KMT2C: variants seen among roughly 807,000 people sequenced by gnomAD.
KMT2C encodes the protein histone-lysine N-methyltransferase 2C.
Under a neutral mutation model 507.9 loss-of-function variants are expected in KMT2C, and 88 were observed. The ratio of observed to expected loss-of-function variants is 0.17; its 90% CI spans 0.15 to 0.21. The LOEUF (loss-of-function observed/expected upper bound fraction) is 0.21. Ranked by LOEUF, KMT2C falls within the 10% of genes least tolerant of loss-of-function variation. KMT2C has a pLI of 1.00. For synonymous variants in KMT2C, 2,049 were observed against 2,080.8 expected, an observed-to-expected ratio of 0.98 and a Z score of 0.42; for missense variants, 4,954 against 5,957.8, an observed-to-expected ratio of 0.83 and a Z score of 5.55.
Position 152,182,309 on chromosome 7 carries a change from G to C in KMT2C, c.5551C>G (p.Gln1851Glu). 6.2e-7 allele frequency: 1 copy of C among 1,614,172 alleles called. No individual in the cohort carries two copies. Among genetic ancestry groups the C allele is most frequent in the Non-Finnish European group, 8.5e-7 (1 of 1,180,026 alleles). ...GGGGCTGGAGGAGGAGGTGGAGCTTGTGGCTTTACAAACACATCATCTGAA... is the reference window on the plus strand; with the variant it reads ...GGGGCTGGAGGAGGAGGTGGAGCTTCTGGCTTTACAAACACATCATCTGAA... ...TSSDDVFVKPQAPPPPPAPSR... is the reference protein window; with the variant it reads ...TSSDDVFVKPEAPPPPPAPSR... The change falls in exon 36 of 59, where the codon CAA becomes GAA. Residue 1851 changes from glutamine (Q) to glutamate (E), a missense_variant. By Grantham distance (29) the Gln-to-Glu change is conservative. Coordinates refer to ENST00000262189, the MANE Select transcript of KMT2C (RefSeq NM_170606.3).
At chr7:152,393,981 A>ATATACTTCATCTTT (rs2097521550) in intron 1 of KMT2C, among the ~76,000 whole-genome samples, 1 of 152,228 alleles carries the variant, frequency 6.6e-6, no homozygotes, top group African/African-American at 2.4e-5. Context: ...GCATGAACAA[A>ATATACTTCATCTTT]TATACTTCAT....
At chr7:152,283,733 AAAAGAAGTGAT>A (rs2096255553) in intron 6 of KMT2C, among the ~76,000 whole-genome samples, 1 of 152,146 alleles carries the variant, frequency 6.6e-6, no homozygotes, top group Non-Finnish European at 1.5e-5. Flanking sequence ...CTTTTCTTAA[AAAAGAAGTGAT>A]AAAGCAGATT....
intron 55 of KMT2C, among the ~76,000 whole-genome samples, chr7:152,140,014 C>T (rs1368150338): frequency 6.6e-6 from 1 of 152,146 alleles, no homozygotes; most frequent in East Asian, 1.9e-4. Context: ...TTTTTTAGCA[C>T]TAAATTCTTA....
chr7:152,249,195 G>C (rs2095523029), intron 13 of KMT2C, among the ~76,000 whole-genome samples: 2 of 151,864 alleles, frequency 1.3e-5, no homozygotes, highest in Non-Finnish European at 2.9e-5. Context: ...CATAGTCACT[G>C]GTAAATTTTA....
At chr7:152,280,488 T>A (rs1192117708) in intron 6 of KMT2C, among the ~76,000 whole-genome samples, 1 of 147,462 alleles carries the variant, frequency 6.8e-6, no homozygotes, top group African/African-American at 2.4e-5. Flanking sequence ...GAGGCAGAGG[T>A]TGCAGTGAGC....
intron 47 of KMT2C, 35 bp from the exon 48 acceptor site, chr7:152,154,181 G>A (rs746692879): frequency 1.9e-6 from 3 of 1,611,254 alleles, no homozygotes; most frequent in Non-Finnish European, 2.5e-6. Flanking sequence ...GGAAAATAGT[G>A]TTAATGGATT....
intron 3 of KMT2C, among the ~76,000 whole-genome samples, chr7:152,322,200 T>C (rs1334740794): frequency 6.6e-6 from 1 of 151,620 alleles, no homozygotes; most frequent in Non-Finnish European, 1.5e-5. Context: ...CCGTCTCTAC[T>C]AAAAATACGA....
Position 152,156,288 on chromosome 7 carries a change from G to C in KMT2C, c.11729C>G (p.Pro3910Arg). ...ATTGGCCATCTTCTGACAAGCCATAGGAGGTGGTGTAGGAGGAAGAGAGGC... is the reference window on the plus strand; with the variant it reads ...ATTGGCCATCTTCTGACAAGCCATACGAGGTGGTGTAGGAGGAAGAGAGGC... Reference protein sequence around the residue: ...PPASLPPTPPPMACQKMANGF... With the variant: ...PPASLPPTPPRMACQKMANGF... The change falls in exon 45 of 59, where the codon CCT becomes CGT. Residue 3910 changes from proline (P) to arginine (R), a missense_variant. Coordinates refer to ENST00000262189, the MANE Select transcript of KMT2C (RefSeq NM_170606.3). The C allele has an allele frequency of 6.2e-7, 1 of 1,614,140 alleles. No homozygotes were observed. The highest frequency in any genetic ancestry group is 8.5e-7 in the Non-Finnish European group (1 of 1,180,022).
rs1330402366 is a variant in KMT2C, at chr7:152,257,825, TACACTA to T, written c.1300-5116_1300-5111del. Among the ~76,000 whole-genome samples, 7 of 151,810 alleles carry T rather than the reference TACACTA, an allele frequency of 4.6e-5. No homozygotes were observed. The East Asian group carries it at 1.4e-3, about 29-fold the overall frequency. ...GAATTGTCTTGGGCCACACACAAGA[TACACTA>T]ACACTAACGATAGCCGATGAGCTAC... is the stretch of plus-strand genomic sequence containing the variant. On this transcript the variant is annotated intron_variant, in intron 9 of 58. Transcript: ENST00000262189.
chr7:152,399,827 TGAA>T (rs1364024391), intron 1 of KMT2C, among the ~76,000 whole-genome samples: 2 of 149,514 alleles, frequency 1.3e-5, no homozygotes, highest in African/African-American at 4.9e-5. Flanking sequence ...GGGGAGGAAA[TGAA>T]GGAGAAATCT....
intron 3 of KMT2C, among the ~76,000 whole-genome samples, chr7:152,324,570 GA>G (rs1311939180): frequency 6.6e-6 from 1 of 151,698 alleles, no homozygotes; most frequent in Non-Finnish European, 1.5e-5. Flanking sequence ...CAGCTGAATA[GA>G]AAAAAATTTG....
chr7:152,255,106 CACTTATATATAT>C (rs1202873099), intron 9 of KMT2C, among the ~76,000 whole-genome samples: 1 of 75,476 alleles, frequency 1.3e-5, no homozygotes, highest in African/African-American at 5.4e-5. Context: ...AATCAACTCT[CACTTATATATAT>C]ATATATATAT....
chr7:152,218,973 CT>C (rs34359411), intron 23 of KMT2C, among the ~76,000 whole-genome samples: 16,627 of 144,486 alleles, frequency 0.12, 1,964 homozygotes, highest in African/African-American at 0.31. Flanking sequence ...CTTCCAATTC[CT>C]TTTTTTTTTT....
intron 28 of KMT2C, chr7:152,195,604 C>T (rs988127505): frequency 8.8e-5 from 83 of 939,892 alleles, no homozygotes; most frequent in Non-Finnish European, 1.0e-4. Context: ...TGGATGATTA[C>T]CACAGGAGCA....
At chr7:152,252,406 TTAATTCCATC>T in intron 10 of KMT2C, 130 bp downstream of exon 10, 1 of 690,728 alleles carries the variant, frequency 1.4e-6, no homozygotes, top group Non-Finnish European at 2.4e-6. Flanking sequence ...AAAACATCAT[TTAATTCCATC>T]TATAACAGCA....
chr7:152,266,064 C>T (rs184237184), intron 7 of KMT2C, among the ~76,000 whole-genome samples: 48 of 152,398 alleles, frequency 3.1e-4, no homozygotes, highest in Non-Finnish European at 5.1e-4. Flanking sequence ...AAAAATATGC[C>T]TGTATATAAC....
intron 6 of KMT2C, among the ~76,000 whole-genome samples, chr7:152,290,274 ATATATATATATATATATATATTTTT>A (rs2096396000): frequency 4.0e-5 from 1 of 25,228 alleles, no homozygotes. Context: ...ATATATATAT[ATATATATATATATATATATATTTTT>A]TTTTTTTTTT....
intron 6 of KMT2C, among the ~76,000 whole-genome samples, chr7:152,286,701 A>G (rs1826414268): frequency 6.6e-6 from 1 of 152,342 alleles, no homozygotes; most frequent in African/African-American, 2.4e-5. Context: ...AAACAAAAGA[A>G]GACAACAAAA....
chr7:152,303,016 T>A (rs2096584838), intron 6 of KMT2C, among the ~76,000 whole-genome samples: 1 of 152,008 alleles, frequency 6.6e-6, no homozygotes, highest in Non-Finnish European at 1.5e-5. Context: ...CCCTCAGTAA[T>A]ACTCAAATTA....
Sources: gnomAD v4.1 joint callset for allele counts (sites outside exome capture counted in the v4.1 genomes callset) on GRCh38, gnomAD v4.1.1 for gene constraint, MANE v1.5 for transcripts, NCBI Gene and HGNC (gene_info 2026-07-23, HGNC 2026-07-21) for gene names.